The following CSGALNACT1 variants were observed in gnomAD, a reference collection of about 807,000 sequenced individuals.
CSGALNACT1 encodes the protein beta4GalNAcT-1.
CSGALNACT1 carries 52 observed loss-of-function variants against 51.0 expected under a neutral mutation model. That is an observed-to-expected ratio of 1.02 (90% CI 0.82 to 1.29). The LOEUF (loss-of-function observed/expected upper bound fraction) is 1.29, where lower values mean the gene tolerates loss of function less well. Ranked by LOEUF, CSGALNACT1 falls within the 50% of genes most tolerant of loss-of-function variation. CSGALNACT1 has a pLI of 0.00. For missense variants in CSGALNACT1, 935 were observed against 679.2 expected (o/e 1.38, Z -4.19); for synonymous variants, 341 against 254.4 (o/e 1.34, Z -3.24).
At chr8:19,526,624 G>C (rs1276820957) in intron 3 of CSGALNACT1, among the ~76,000 whole-genome samples, 1 of 151,968 alleles carries the variant, frequency 6.6e-6, no homozygotes, top group African/African-American at 2.4e-5. Flanking sequence ...GTAGGTAAAA[G>C]AGAAATGCTT....
chr8:19,469,347 C>T (rs1362153324), intron 4 of CSGALNACT1, among the ~76,000 whole-genome samples: 1 of 152,076 alleles, frequency 6.6e-6, no homozygotes, highest in Non-Finnish European at 1.5e-5. Context: ...GCTGTGTGTG[C>T]ACCACTGCAC....
chr8:19,464,153 C>T (rs1244944173), intron 4 of CSGALNACT1, among the ~76,000 whole-genome samples: 1 of 152,162 alleles, frequency 6.6e-6, no homozygotes, highest in African/African-American at 2.4e-5. Context: ...TCAACAGTCC[C>T]CATTCACCCA....
At chr8:19,469,730 A>C (rs576138582) in intron 4 of CSGALNACT1, among the ~76,000 whole-genome samples, 1 of 152,220 alleles carries the variant, frequency 6.6e-6, no homozygotes, top group South Asian at 2.1e-4. Context: ...TCAGTCTCTG[A>C]AGCCCCCCAC....
intron 1 of CSGALNACT1, among the ~76,000 whole-genome samples, chr8:19,667,754 TA>T (rs35269982): frequency 0.015 from 2,216 of 152,266 alleles, 64 homozygotes; most frequent in African/African-American, 0.05. Flanking sequence ...TCATAGGCCA[TA>T]AATCACTAAC....
At chr8:19,536,233 T>G (rs765772662) in intron 3 of CSGALNACT1, among the ~76,000 whole-genome samples, 2 of 152,090 alleles carry the variant, frequency 1.3e-5, no homozygotes, top group Non-Finnish European at 2.9e-5. Context: ...ATCACTCTGG[T>G]TGGGAATGTT....
At chr8:19,670,145 A>T (rs999609909) in intron 1 of CSGALNACT1, among the ~76,000 whole-genome samples, 5 of 152,096 alleles carry the variant, frequency 3.3e-5, no homozygotes, top group Admixed American at 3.3e-4. Context: ...TCAATCTGTA[A>T]TGTGGCTTTC....
chr8:19,677,377 C>G (rs1392313454), intron 1 of CSGALNACT1, among the ~76,000 whole-genome samples: 1 of 152,190 alleles, frequency 6.6e-6, no homozygotes, highest in African/African-American at 2.4e-5. Context: ...TCCCAAAGTG[C>G]TGGGATTACA....
chr8:19,509,662 C>G (rs796851400), intron 3 of CSGALNACT1, among the ~76,000 whole-genome samples: 10 of 151,228 alleles, frequency 6.6e-5, no homozygotes, highest in African/African-American at 2.4e-4. Context: ...GTGTCACCAC[C>G]TCTGCCACCT....
intron 1 of CSGALNACT1, among the ~76,000 whole-genome samples, chr8:19,617,131 C>A (rs546356330): frequency 5.9e-5 from 9 of 152,136 alleles, no homozygotes; most frequent in Non-Finnish European, 1.2e-4. Context: ...TCATAAGGAG[C>A]GCACAACCTA....
chr8:19,677,322 G>T (rs532499909), intron 1 of CSGALNACT1, among the ~76,000 whole-genome samples: 2 of 152,252 alleles, frequency 1.3e-5, no homozygotes, highest in Non-Finnish European at 2.9e-5. Context: ...TGTTGGCTAG[G>T]CTGGTCTTGA....
At chr8:19,658,963 C>T (rs112252553) in intron 1 of CSGALNACT1, among the ~76,000 whole-genome samples, 1 of 152,134 alleles carries the variant, frequency 6.6e-6, no homozygotes, top group South Asian at 2.1e-4. Flanking sequence ...CTAGTTACAC[C>T]TGTTGGAGCT....
chr8:19,729,975 G>C (rs1253613373), intron 1 of CSGALNACT1, among the ~76,000 whole-genome samples: 3 of 152,164 alleles, frequency 2.0e-5, no homozygotes, highest in East Asian at 3.8e-4. Context: ...AGCAGAAGTA[G>C]GGTGCTGATG....
Position 19,757,376 on chromosome 8 carries a change from G to A in CSGALNACT1, c.-297+474C>T, listed in dbSNP as rs2065468967. 1 of 151,658 alleles carries A rather than the reference G, an allele frequency of 6.6e-6. No individual in the cohort carries two copies. Among genetic ancestry groups the A allele is most frequent in the Non-Finnish European group, 1.5e-5 (1 of 67,554 alleles). The allele number at this position is 151,658 out of a possible 1,614,324, so 9.4% of individuals were successfully genotyped here. On this transcript the variant is annotated intron_variant, in intron 1 of 1. Transcript: ENST00000517494. The surrounding 1 kb of genome is among the most constrained non-coding windows in gnomAD (Gnocchi z 4.0). ...GGCGGGCGGGCGCAACAGCGGCCAA[G>A]CCTGGCGCCCCGCCGCAGGGTAGGT...
At chr8:19,717,085 A>G (rs968260173) in intron 1 of CSGALNACT1, among the ~76,000 whole-genome samples, 4 of 152,176 alleles carry the variant, frequency 2.6e-5, no homozygotes, top group Non-Finnish European at 5.9e-5. Context: ...AAATGAGATA[A>G]TGCATGTGAT....
intron 1 of CSGALNACT1, among the ~76,000 whole-genome samples, chr8:19,753,393 T>C (rs1006232693): frequency 6.6e-6 from 1 of 152,172 alleles, no homozygotes; most frequent in Non-Finnish European, 1.5e-5. Context: ...AATCCTGCCA[T>C]GTAAATATCA....
chr8:19,630,884 G>A (rs561260957), intron 1 of CSGALNACT1, among the ~76,000 whole-genome samples: 27 of 152,062 alleles, frequency 1.8e-4, no homozygotes, highest in African/African-American at 5.8e-4. Context: ...CCAGACACCC[G>A]CCTCCCTACA....
intron 1 of CSGALNACT1, among the ~76,000 whole-genome samples, chr8:19,733,160 T>C (rs1206499288): frequency 2.0e-5 from 3 of 152,210 alleles, no homozygotes; most frequent in African/African-American, 7.2e-5. Flanking sequence ...AACAAAATAT[T>C]GTTTTCTGTT....
chr8:19,491,324 T>C (rs532682703), intron 4 of CSGALNACT1, among the ~76,000 whole-genome samples: 2 of 152,296 alleles, frequency 1.3e-5, no homozygotes, highest in African/African-American at 2.4e-5. Flanking sequence ...TTTTTCATTA[T>C]TATAAATACT....
rs1564404826 is a variant in CSGALNACT1, at chr8:19,676,083, T to TAAAAAAAAAAAAAAAA, written c.-544+6389_-544+6390insTTTTTTTTTTTTTTTT. Among the ~76,000 whole-genome samples the TAAAAAAAAAAAAAAAA allele has an allele frequency of 5.7e-4, 34 of 59,144 alleles. 1 individual carries two copies. The highest frequency in any genetic ancestry group is 1.6e-3 in the African/African-American group (34 of 21,338). 38.8% of individuals were successfully genotyped at this position (59,144 alleles called of 152,430 possible). On this transcript the variant is annotated intron_variant, in intron 1 of 9. Coordinates refer to the CSGALNACT1 transcript ENST00000332246. ...CCACGATGGATGGTGGTTGTCTGAT[T>TAAAAAAAAAAAAAAAA]TAAAAAACAAAACAAAACAAAAAAA...
Sources: allele counts gnomAD v4.1 joint callset (sites outside exome capture counted in the v4.1 genomes callset), GRCh38; gene constraint gnomAD v4.1.1; non-coding constraint Gnocchi (gnomAD v3.1); transcripts MANE v1.5; gene names NCBI Gene and HGNC (gene_info 2026-07-23, HGNC 2026-07-21).